SETBP1: variants seen among roughly 807,000 people sequenced by gnomAD.
SETBP1 encodes the protein SET-binding protein.
In SETBP1, 9 loss-of-function variants were observed where a neutral mutation model predicts 101.0. The ratio of observed to expected loss-of-function variants is 0.09; its 90% CI spans 0.05 to 0.16. SETBP1 has a LOEUF of 0.16. SETBP1 is among the 10% of genes least tolerant of loss of function. SETBP1 has a pLI of 1.00. For synonymous variants in SETBP1, 818 were observed against 788.5 expected, an observed-to-expected ratio of 1.04 and a Z score of -0.63; for missense variants, 1,858 against 2,033.8, an observed-to-expected ratio of 0.91 and a Z score of 1.66.
chr18:45,030,243 G>A (rs2073263675), intron 4 of SETBP1, among the ~76,000 whole-genome samples: 1 of 122,046 alleles, frequency 8.2e-6, no homozygotes, highest in African/African-American at 3.2e-5. Context: ...TTTGTCAAAG[G>A]CCTTTTCTGC....
intron 3 of SETBP1, among the ~76,000 whole-genome samples, chr18:44,903,920 A>G (rs1188512847): frequency 1.3e-5 from 2 of 152,142 alleles, no homozygotes; most frequent in African/African-American, 4.8e-5. Context: ...TTAATAATTG[A>G]CATCTTATTT....
At chr18:44,834,310 T>G (rs901280843) in intron 2 of SETBP1, among the ~76,000 whole-genome samples, 1 of 152,130 alleles carries the variant, frequency 6.6e-6, no homozygotes, top group Admixed American at 6.5e-5. Context: ...AGAGTACTAA[T>G]GAGATACCTC....
At chr18:44,786,406 A>AT (rs942359268) in intron 2 of SETBP1, among the ~76,000 whole-genome samples, 19 of 152,252 alleles carry the variant, frequency 1.2e-4, no homozygotes, top group African/African-American at 4.3e-4. Flanking sequence ...GAGGTCCTTG[A>AT]TTTTTTCCCC....
intron 4 of SETBP1, among the ~76,000 whole-genome samples, chr18:45,024,602 A>C: frequency 6.6e-6 from 1 of 152,162 alleles, no homozygotes; most frequent in East Asian, 1.9e-4. Flanking sequence ...TTACTATTAA[A>C]ATACTTCCCT....
intron 1 of SETBP1, among the ~76,000 whole-genome samples, chr18:44,681,860 G>A (rs1466471096): frequency 2.0e-5 from 3 of 151,932 alleles, no homozygotes; most frequent in African/African-American, 7.3e-5. Context: ...AGGGCAATTT[G>A]TGTGTCTCTT....
intron 3 of SETBP1, among the ~76,000 whole-genome samples, chr18:44,925,834 C>T (rs12608276): frequency 3.8e-4 from 57 of 152,000 alleles, no homozygotes; most frequent in Non-Finnish European, 1.0e-4. Flanking sequence ...CTGGAGAAGC[C>T]GGGTGATCAA....
At chr18:44,839,085 A>T (rs1004435267) in intron 2 of SETBP1, among the ~76,000 whole-genome samples, 2 of 152,088 alleles carry the variant, frequency 1.3e-5, no homozygotes, top group Non-Finnish European at 2.9e-5. Context: ...AAAAAAAAAA[A>T]AACCCAGCCT....
At chr18:45,028,581 G>T (rs1049701676) in intron 4 of SETBP1, among the ~76,000 whole-genome samples, 2 of 152,136 alleles carry the variant, frequency 1.3e-5, no homozygotes, top group Non-Finnish European at 2.9e-5. Context: ...CCGAGGAATC[G>T]CCACACTGAC....
chr18:44,687,953 C>A (rs994255915), intron 1 of SETBP1, among the ~76,000 whole-genome samples: 2 of 152,158 alleles, frequency 1.3e-5, no homozygotes, highest in Non-Finnish European at 2.9e-5. Context: ...ATTCTGAGAT[C>A]AGATACGGTG....
At chr18:45,050,716 A>T (rs2073707401) in intron 5 of SETBP1, among the ~76,000 whole-genome samples, 1 of 152,218 alleles carries the variant, frequency 6.6e-6, no homozygotes, top group South Asian at 2.1e-4. Flanking sequence ...GCCGGGATCC[A>T]GGGCTAGCCA....
chr18:44,836,624 G>A (rs1599197515), intron 2 of SETBP1, among the ~76,000 whole-genome samples: 1 of 152,168 alleles, frequency 6.6e-6, no homozygotes. Flanking sequence ...TTAATTCTTC[G>A]TCATGGTTTT....
chr18:44,824,380 G>A (rs1435161363), intron 2 of SETBP1, among the ~76,000 whole-genome samples: 2 of 151,904 alleles, frequency 1.3e-5, no homozygotes, highest in Non-Finnish European at 2.9e-5. Context: ...TCTATATAGG[G>A]TTTTGTATGA....
chr18:45,058,791 G>A lies in SETBP1; in HGVS notation c.4172-4288G>A, dbSNP rs78641273. On this transcript the variant is annotated intron_variant, in intron 5 of 5. Coordinates refer to ENST00000649279, the MANE Select transcript of SETBP1 (RefSeq NM_015559.3). ...GGGATACTAAGTCCTAATGCCTGAT[G>A]CCATCAATGGAGATTGGCTCATGGC... is the stretch of plus-strand genomic sequence containing the variant. Among the ~76,000 whole-genome samples the A allele has an allele frequency of 2.3e-3, 357 of 152,332 alleles. 1 individual carries two copies. Among genetic ancestry groups the A allele is most frequent in the African/African-American group, 8.1e-3 (335 of 41,582 alleles).
chr18:45,044,055 T>C (rs1259664056), intron 5 of SETBP1, among the ~76,000 whole-genome samples: 2 of 152,222 alleles, frequency 1.3e-5, no homozygotes, highest in Non-Finnish European at 2.9e-5. Flanking sequence ...TTTGTTGTTA[T>C]GTTGAATGAT....
In SETBP1 at chr18:44,938,252, C is replaced by T. The variant is rs141307229; in HGVS notation, c.541-11629C>T. ...AGGCTGGCTCCCCCACCAGGAGCGT[C>T]CTGAGACGTCCCTGAACGTGACAGT... is the stretch of plus-strand genomic sequence containing the variant. On this transcript the variant is annotated intron_variant, in intron 3 of 5. Transcript: ENST00000649279. 3.8e-3 allele frequency among the ~76,000 whole-genome samples: 580 copies of T among 152,334 alleles called. 4 individuals are homozygous for T. Among genetic ancestry groups the T allele is most frequent in the Non-Finnish European group, 6.4e-3 (434 of 68,032 alleles).
At chr18:44,796,111 A>G (rs986987387) in intron 2 of SETBP1, among the ~76,000 whole-genome samples, 1 of 152,196 alleles carries the variant, frequency 6.6e-6, no homozygotes. Context: ...GAGCAAACTG[A>G]TCCCGAATTA....
At chr18:44,813,863 G>GT (rs2071915185) in intron 2 of SETBP1, among the ~76,000 whole-genome samples, 1 of 152,160 alleles carries the variant, frequency 6.6e-6, no homozygotes, top group Admixed American at 6.6e-5. Context: ...ACACTGATGG[G>GT]TTTTTTGTTG....
intron 4 of SETBP1, among the ~76,000 whole-genome samples, chr18:45,008,920 A>G (rs2072782436): frequency 6.6e-6 from 1 of 152,210 alleles, no homozygotes; most frequent in Admixed American, 6.5e-5. Context: ...AGTGAAGACG[A>G]GGCAGCAGAA....
chr18:44,758,956 T>C (rs2070571829), intron 2 of SETBP1, among the ~76,000 whole-genome samples: 1 of 152,206 alleles, frequency 6.6e-6, no homozygotes, highest in Non-Finnish European at 1.5e-5. Context: ...CCACAGATGC[T>C]GTATGTGTGT....
Sources: gnomAD v4.1 joint callset for allele counts (sites outside exome capture counted in the v4.1 genomes callset) on GRCh38, gnomAD v4.1.1 for gene constraint, MANE v1.5 for transcripts, NCBI Gene and HGNC (gene_info 2026-07-23, HGNC 2026-07-21) for gene names.